The following FEZ2 variants were observed in gnomAD, a reference collection of about 807,000 sequenced individuals.
FEZ2 encodes fasciculation and elongation protein zeta-2.
FEZ2 carries 51 observed loss-of-function variants against 40.4 expected under a neutral mutation model. That is an observed-to-expected ratio of 1.26 (90% CI 1.01 to 1.59). The LOEUF is 1.59. FEZ2 is among the 40% of genes most tolerant of loss of function. The pLI is 0.00. For missense variants in FEZ2, 640 were observed against 438.3 expected, an observed-to-expected ratio of 1.46 and a Z score of -4.11; for synonymous variants, 242 against 172.0, an observed-to-expected ratio of 1.41 and a Z score of -3.18.
intron 5 of FEZ2, among the ~76,000 whole-genome samples, chr2:36,575,205 G>GT (rs1328431687): frequency 1.3e-5 from 2 of 152,106 alleles, no homozygotes; most frequent in African/African-American, 4.8e-5. Flanking sequence ...TGGTTTTTCT[G>GT]TTTTTTGTTT....
chr2:36,580,331 C>G (rs910415273), intron 4 of FEZ2, among the ~76,000 whole-genome samples: 1 of 152,176 alleles, frequency 6.6e-6, no homozygotes, highest in Admixed American at 6.5e-5. Context: ...AGCCATACAA[C>G]CCAAAGGTCT....
intron 2 of FEZ2, among the ~76,000 whole-genome samples, chr2:36,587,312 T>C (rs1331216523): frequency 6.6e-6 from 1 of 152,216 alleles, no homozygotes; most frequent in Non-Finnish European, 1.5e-5. Context: ...TTTCAGGCTT[T>C]GCAAACTAGC....
chr2:36,588,094 T>C (rs1433940317), intron 2 of FEZ2, among the ~76,000 whole-genome samples: 2 of 152,086 alleles, frequency 1.3e-5, no homozygotes, highest in African/African-American at 4.8e-5. Context: ...AGTGGCGTGA[T>C]CTCGGCGCAC....
At position 36,598,144 on chromosome 2, in the gene FEZ2, G is replaced by A. The variant is rs1306740758; in HGVS notation, c.-2C>T. The A allele has an allele frequency of 4.8e-6, 7 of 1,468,546 alleles. No homozygotes were observed. The Admixed American group carries it at 7.1e-5, about 15-fold the overall frequency. 91.0% of individuals were successfully genotyped at this position (1,468,546 alleles called of 1,614,324 possible). A position where few individuals can be genotyped will look rare whatever the true frequency, so the allele number is the denominator to read the frequency against. On this transcript the variant is annotated 5_prime_UTR_variant, in exon 1 of 8. Transcript: ENST00000405912. The stretch of plus-strand genomic sequence containing the variant: ...CTGCCAGTCCCCGTCCGCCGCCATC[G>A]CCGCCCGGAGCAGTCGCGCGCCCCG...
chr2:36,593,844 G>GA (rs750535830), intron 1 of FEZ2, among the ~76,000 whole-genome samples: 1 of 146,846 alleles, frequency 6.8e-6, no homozygotes, highest in Non-Finnish European at 1.5e-5. Context: ...CAGAAAATGG[G>GA]TTTTTTTTTT....
At chr2:36,553,212 G>A in intron 7 of FEZ2, 33 bp from the exon 8 acceptor site, 2 of 1,416,798 alleles carry the variant, frequency 1.4e-6, no homozygotes, top group East Asian at 2.5e-5. Flanking sequence ...AGCTACAAAT[G>A]TATATTTTGT....
intron 2 of FEZ2, among the ~76,000 whole-genome samples, chr2:36,588,748 T>C (rs2125240715): frequency 6.6e-6 from 1 of 152,290 alleles, no homozygotes; most frequent in South Asian, 2.1e-4. Flanking sequence ...TTCATTATTT[T>C]CAATTGTTGT....
chr2:36,577,531 G>A (rs940757929), intron 5 of FEZ2, among the ~76,000 whole-genome samples: 1 of 152,160 alleles, frequency 6.6e-6, no homozygotes, highest in African/African-American at 2.4e-5. Context: ...TGGGATTACA[G>A]GCGCGAGCCA....
At chr2:36,581,695 CAT>C (rs1668755210) in intron 3 of FEZ2, 2 of 357,664 alleles carry the variant, frequency 5.6e-6, no homozygotes, top group Non-Finnish European at 1.1e-5. Context: ...AAGGCCCTAA[CAT>C]GTCTTGCAAA....
At chr2:36,578,571 G>A (rs763240847) in intron 5 of FEZ2, 26 bp downstream of exon 5, 36 of 1,596,410 alleles carry the variant, frequency 2.3e-5, no homozygotes, top group South Asian at 6.9e-5. Context: ...TCCAGTGTTC[G>A]ACGCCTCCTG....
intron 5 of FEZ2, among the ~76,000 whole-genome samples, chr2:36,567,016 A>C (rs1279963979): frequency 6.6e-6 from 1 of 152,238 alleles, no homozygotes; most frequent in Non-Finnish European, 1.5e-5. Flanking sequence ...AGAACTGCAC[A>C]GCCAGATGAT....
At chr2:36,587,969 G>C (rs1315161202) in intron 2 of FEZ2, among the ~76,000 whole-genome samples, 1 of 152,080 alleles carries the variant, frequency 6.6e-6, no homozygotes, top group African/African-American at 2.4e-5. Flanking sequence ...ACAACAGAGA[G>C]ATGATAGGTG....
chr2:36,552,375 A>C lies in FEZ2; in HGVS notation c.*788T>G. On this transcript the variant is annotated 3_prime_UTR_variant, in exon 8 of 8. Coordinates refer to ENST00000405912, the MANE Select transcript of FEZ2 (RefSeq NM_005102.3). ...TCTAGAATTCATACTTAAGAAAAAC[A>C]CACAGGCATGAATAAAATAGGACAC... 8.1e-6 allele frequency: 3 copies of C among 371,262 alleles called. No individual in the cohort carries two copies. The highest frequency in any genetic ancestry group is 2.1e-5 in the African/African-American group (1 of 47,124). 23.0% of individuals were successfully genotyped at this position (371,262 alleles called of 1,614,324 possible).
intron 6 of FEZ2, chr2:36,557,970 A>C (rs927309647): frequency 1.3e-5 from 2 of 152,432 alleles, no homozygotes; most frequent in African/African-American, 4.8e-5. Flanking sequence ...TTGCTGAATG[A>C]ATGCATGTTC....
rs1372992274 is a variant in FEZ2 at position 36,598,023 on chromosome 2, C to A, written c.120G>T (p.Ala40=). Reference sequence around the variant, plus strand: ...CCGGGAAACCGTCGGCGCCCCCACCCGCCTCGGCCCCCGCCTCCGCCCCAG... The same window carrying A: ...CCGGGAAACCGTCGGCGCCCCCACCAGCCTCGGCCCCCGCCTCCGCCCCAG... ...PEPGAEAGAE[A]GGGADGFPAP... The change falls in exon 1 of 8, where the codon GCG becomes GCT. Residue 40 remains alanine, a synonymous_variant. Coordinates refer to ENST00000405912, the MANE Select transcript of FEZ2 (RefSeq NM_005102.3). 1.3e-6 allele frequency: 2 copies of A among 1,484,702 alleles called. No individual in the cohort carries two copies. The highest frequency in any genetic ancestry group is 1.5e-5 in the African/African-American group (1 of 68,518). 92.0% of individuals were successfully genotyped at this position (1,484,702 alleles called of 1,614,324 possible).
Position 36,561,018 on chromosome 2 carries a change from C to T in FEZ2, c.904-2505G>A, listed in dbSNP as rs569328230. Among the ~76,000 whole-genome samples the T allele has an allele frequency of 1.5e-3, 225 of 152,302 alleles. 2 individuals are homozygous for T. Among genetic ancestry groups the T allele is most frequent in the Non-Finnish European group, 4.1e-4 (28 of 68,004 alleles). ...CAGATAAAGCACATAAACCCATGCTCTTTTTAAAATGCTGTTGCTTCCATT... is the reference window on the plus strand; with the variant it reads ...CAGATAAAGCACATAAACCCATGCTTTTTTTAAAATGCTGTTGCTTCCATT... On this transcript the variant is annotated intron_variant, in intron 5 of 7. Transcript: ENST00000405912.
At chr2:36,582,978 A>G (rs543156468) in intron 3 of FEZ2, among the ~76,000 whole-genome samples, 27 of 152,324 alleles carry the variant, frequency 1.8e-4, no homozygotes, top group African/African-American at 6.3e-4. Context: ...AATGCTTTTT[A>G]CCCAGGGTTT....
intron 5 of FEZ2, among the ~76,000 whole-genome samples, chr2:36,566,767 A>C (rs930649693): frequency 6.6e-6 from 1 of 152,204 alleles, no homozygotes; most frequent in Non-Finnish European, 1.5e-5. Context: ...TTTGCCACTA[A>C]TTGTGTGACA....
chr2:36,578,519 C>T, intron 5 of FEZ2, 78 bp downstream of exon 5: 1 of 1,477,294 alleles, frequency 6.8e-7, no homozygotes. Flanking sequence ...CCTGTCGCAC[C>T]TGCCACCAGC....
Sources: allele counts gnomAD v4.1 joint callset (sites outside exome capture counted in the v4.1 genomes callset), GRCh38; gene constraint gnomAD v4.1.1; transcripts MANE v1.5; gene names NCBI Gene and HGNC (gene_info 2026-07-23, HGNC 2026-07-21).